SFSWAP: variants seen among roughly 807,000 people sequenced by gnomAD.
The protein encoded by SFSWAP is splicing factor SWAP.
SFSWAP carries 17 observed loss-of-function variants against 100.7 expected under a neutral mutation model. The observed-to-expected ratio is 0.17, with a 90% CI of 0.12 to 0.25. The LOEUF (loss-of-function observed/expected upper bound fraction) is 0.25, where lower values mean the gene tolerates loss of function less well. SFSWAP is among the 10% of genes least tolerant of loss of function. The pLI is 1.00. For missense variants in SFSWAP, 1,005 were observed against 1,262.6 expected, an observed-to-expected ratio of 0.80 and a Z score of 3.09; for synonymous variants, 504 against 510.1, an observed-to-expected ratio of 0.99 and a Z score of 0.16.
chr12:131,793,795 G>T (rs1034336209), intron 15 of SFSWAP, among the ~76,000 whole-genome samples: 1 of 152,138 alleles, frequency 6.6e-6, no homozygotes, highest in Admixed American at 6.5e-5. Context: ...TAAATAGCCG[G>T]TACACACATG....
intron 13 of SFSWAP, among the ~76,000 whole-genome samples, chr12:131,766,892 G>A (rs1883163424): frequency 6.6e-6 from 1 of 152,276 alleles, no homozygotes; most frequent in African/African-American, 2.4e-5. Flanking sequence ...TCAGAACAGT[G>A]CCTCAGACCA....
At chr12:131,715,019 G>A (rs1175619537) in intron 3 of SFSWAP, 66 bp downstream of exon 3, 41 of 1,566,334 alleles carry the variant, frequency 2.6e-5, no homozygotes, top group Middle Eastern at 2.2e-4. Context: ...TGCATGCACC[G>A]TGGTCCAGTC....
rs139185938 is a variant in SFSWAP, at chr12:131,728,380, G to T, written c.1033G>T (p.Ala345Ser). The change falls in exon 7 of 18, where the codon GCA becomes TCA. Residue 345 changes from alanine (A) to serine (S), a missense_variant. Around this residue, in one of 7 missense-constraint regions of SFSWAP, gnomAD observed 311 missense variants for 317.8 expected, o/e 0.98. Coordinates refer to ENST00000261674, the MANE Select transcript of SFSWAP (RefSeq NM_004592.4). Reference sequence around the variant, plus strand: ...CAGTTCCACTCCCACCCCACACAACGCAGACGGTGCGCCTGTGCAGCCCTC... The same window carrying T: ...CAGTTCCACTCCCACCCCACACAACTCAGACGGTGCGCCTGTGCAGCCCTC... Reference protein sequence around the residue: ...ADSSTPTPHNADGAPVQPSQV... With the variant: ...ADSSTPTPHNSDGAPVQPSQV... 3 of 1,614,190 alleles carry T rather than the reference G, an allele frequency of 1.9e-6. No homozygotes were observed. Among genetic ancestry groups the T allele is most frequent in the Non-Finnish European group, 1.7e-6 (2 of 1,180,044 alleles).
At chr12:131,737,902 T>C (rs1338491919) in intron 7 of SFSWAP, among the ~76,000 whole-genome samples, 1 of 152,164 alleles carries the variant, frequency 6.6e-6, no homozygotes, top group African/African-American at 2.4e-5. Flanking sequence ...TTATTAATTT[T>C]CCTGACAATG....
At chr12:131,763,327 G>A (rs531758518) in intron 11 of SFSWAP, among the ~76,000 whole-genome samples, 3 of 152,218 alleles carry the variant, frequency 2.0e-5, no homozygotes, top group Non-Finnish European at 2.9e-5. Flanking sequence ...CCTGGTTTGC[G>A]GTGCACTTAG....
chr12:131,729,023 C>T (rs1879260187), intron 7 of SFSWAP, among the ~76,000 whole-genome samples: 1 of 152,188 alleles, frequency 6.6e-6, no homozygotes, highest in East Asian at 1.9e-4. Flanking sequence ...AAATATCCAC[C>T]CAAGCCATAG....
chr12:131,755,733 C>G (rs1279480437), intron 10 of SFSWAP, among the ~76,000 whole-genome samples: 1 of 152,216 alleles, frequency 6.6e-6, no homozygotes, highest in African/African-American at 2.4e-5. Context: ...CAAAAAAAAT[C>G]CTGTTCCTTC....
intron 15 of SFSWAP, among the ~76,000 whole-genome samples, chr12:131,789,957 C>T (rs1297922191): frequency 6.6e-6 from 1 of 152,192 alleles, no homozygotes; most frequent in African/African-American, 2.4e-5. Context: ...CAGGAGGTGA[C>T]ACTGAAGCAG....
intron 7 of SFSWAP, among the ~76,000 whole-genome samples, chr12:131,738,882 A>ATTTTTTTTTTTT (rs1555243205): frequency 2.6e-3 from 103 of 40,092 alleles, no homozygotes; most frequent in Non-Finnish European, 5.3e-3. Context: ...AATGAACATT[A>ATTTTTTTTTTTT]TTCTTTTTTT....
chr12:131,718,917 CAG>C (rs1216812716), intron 3 of SFSWAP, among the ~76,000 whole-genome samples: 1 of 152,146 alleles, frequency 6.6e-6, no homozygotes, highest in South Asian at 2.1e-4. Context: ...AGTGAGGAAA[CAG>C]AGAACAGCAG....
chr12:131,769,700 C>G (rs2136243512), intron 13 of SFSWAP, among the ~76,000 whole-genome samples: 1 of 152,266 alleles, frequency 6.6e-6, no homozygotes, highest in South Asian at 2.1e-4. Context: ...AGTCTTGGCT[C>G]ACTGCAACCT....
intron 7 of SFSWAP, 36 bp from the exon 8 acceptor site, chr12:131,753,087 C>A: frequency 6.2e-7 from 1 of 1,609,936 alleles, no homozygotes; most frequent in African/African-American, 1.3e-5. Flanking sequence ...AGCCTGTGGC[C>A]GGCCATGCTC....
chr12:131,739,536 C>CCT (rs1880394306), intron 7 of SFSWAP, among the ~76,000 whole-genome samples: 1 of 60,842 alleles, frequency 1.6e-5, no homozygotes, highest in African/African-American at 6.4e-5. Context: ...TCCCCAGTTG[C>CCT]TTTTTTTTTT....
intron 13 of SFSWAP, among the ~76,000 whole-genome samples, chr12:131,772,557 G>A (rs1180519346): frequency 2.6e-5 from 4 of 152,198 alleles, no homozygotes; most frequent in African/African-American, 9.7e-5. Context: ...GGGACCACAC[G>A]AACGGACAGG....
At chr12:131,769,885 C>G (rs917012117) in intron 13 of SFSWAP, among the ~76,000 whole-genome samples, 1 of 152,176 alleles carries the variant, frequency 6.6e-6, no homozygotes, top group Non-Finnish European at 1.5e-5. Context: ...ACCCTCTCAC[C>G]TCTCCTGTTT....
chr12:131,761,245 T>C (rs1013083374), intron 11 of SFSWAP, among the ~76,000 whole-genome samples: 10 of 152,198 alleles, frequency 6.6e-5, no homozygotes, highest in Non-Finnish European at 1.3e-4. Flanking sequence ...AGAAAATGTA[T>C]ATTACTTTTG....
At position 131,778,090 on chromosome 12, in the gene SFSWAP, T is replaced by C. The variant is rs756297114; in HGVS notation, c.2168T>C (p.Leu723Pro). ...GAATCCAGCACTACGCCCTGCCCTC[T>C]ACTGACTGGAGGCAGGCCTCTGCCT... is the stretch of plus-strand genomic sequence containing the variant. The part of the protein sequence containing the change: ...VEESSTTPCP[L>P]LTGGRPLPTL... The change falls in exon 14 of 18, where the codon CTA becomes CCA. Residue 723 changes from leucine (L) to proline (P), a missense_variant. By Grantham distance (98) the Leu-to-Pro change is moderately conservative (BLOSUM62 -3). This residue lies in a region of SFSWAP where 295 missense variants were observed against 347.9 expected (regional missense o/e 0.85). Coordinates refer to ENST00000261674, the MANE Select transcript of SFSWAP (RefSeq NM_004592.4). This position sits in a 1 kb window ranked among gnomAD's most constrained non-coding sequence, Gnocchi z 4.2. The C allele has an allele frequency of 5.0e-6, 8 of 1,613,412 alleles. No individual in the cohort carries two copies. The highest frequency in any genetic ancestry group is 6.8e-6 in the Non-Finnish European group (8 of 1,179,826).
chr12:131,711,579 T>TGG lies in SFSWAP; in HGVS notation c.218+133_218+134insGG. 1.4e-6 allele frequency: 1 copy of TGG among 708,776 alleles called. No homozygotes were observed. The highest frequency in any genetic ancestry group is 2.4e-6 in the Non-Finnish European group (1 of 421,968). 43.9% of individuals were successfully genotyped at this position (708,776 alleles called of 1,614,324 possible). A position where few individuals can be genotyped will look rare whatever the true frequency, so the allele number is the denominator to read the frequency against. On this transcript the variant is annotated intron_variant, in intron 1 of 17. Coordinates refer to ENST00000261674, the MANE Select transcript of SFSWAP (RefSeq NM_004592.4). The surrounding 1 kb of genome is among the most constrained non-coding windows in gnomAD (Gnocchi z 4.9). The stretch of plus-strand genomic sequence containing the variant: ...GGGATCTGGGGGACACCCCCTCCCC[T>TGG]GTCCCCACCTCCTCCTGGTGTTCTG...
At chr12:131,731,650 T>C (rs1879518780) in intron 7 of SFSWAP, among the ~76,000 whole-genome samples, 1 of 152,188 alleles carries the variant, frequency 6.6e-6, no homozygotes, top group African/African-American at 2.4e-5. Context: ...GAGGGAACAC[T>C]GGTCATAGTT....
Sources: gnomAD v4.1 joint callset for allele counts (sites outside exome capture counted in the v4.1 genomes callset) on GRCh38, gnomAD v4.1.1 for gene constraint, gnomAD v4.1.1 regional missense constraint, Gnocchi (gnomAD v3.1) non-coding constraint, MANE v1.5 for transcripts, NCBI Gene and HGNC (gene_info 2026-07-23, HGNC 2026-07-21) for gene names.